Variants in PREP observed in about 807,000 individuals in gnomAD.
PREP encodes the protein dJ355L5.1 (prolyl endopeptidase).
In PREP, 29 loss-of-function variants were observed where a neutral mutation model predicts 87.6. The observed-to-expected ratio is 0.33, with a 90% CI of 0.25 to 0.45. The LOEUF (loss-of-function observed/expected upper bound fraction) is 0.45, where lower values mean the gene tolerates loss of function less well. PREP is among the 20% of genes least tolerant of loss of function. The pLI, the probability that PREP is intolerant of heterozygous loss-of-function variation, is 1.00. For missense variants in PREP, 695 were observed against 886.5 expected (o/e 0.78, Z 2.74); for synonymous variants, 337 against 328.6 (o/e 1.03, Z -0.28).
intron 2 of PREP, 51 bp downstream of exon 2, chr6:105,397,801 GT>G: frequency 7.3e-7 from 1 of 1,361,876 alleles, no homozygotes; most frequent in Non-Finnish European, 1.1e-6. Flanking sequence ...GACATTTAGA[GT>G]TTGGTGCTAG....
intron 8 of PREP, among the ~76,000 whole-genome samples, chr6:105,329,511 G>A (rs1051908649): frequency 2.0e-5 from 3 of 152,124 alleles, no homozygotes; most frequent in Admixed American, 6.5e-5. Flanking sequence ...ATAAATGACT[G>A]TTTTATTTCC....
intron 6 of PREP, among the ~76,000 whole-genome samples, chr6:105,354,207 A>T (rs1772032498): frequency 6.6e-6 from 1 of 152,168 alleles, no homozygotes; most frequent in African/African-American, 2.4e-5. Context: ...ACCCATAAAC[A>T]TCTATATTAT....
At chr6:105,344,808 C>T (rs916949324) in intron 7 of PREP, among the ~76,000 whole-genome samples, 6 of 152,076 alleles carry the variant, frequency 3.9e-5, no homozygotes, top group Non-Finnish European at 7.4e-5. Flanking sequence ...TGCACATGTA[C>T]CCTAAAACTG....
At chr6:105,358,127 C>G (rs1772151043) in intron 6 of PREP, among the ~76,000 whole-genome samples, 1 of 151,914 alleles carries the variant, frequency 6.6e-6, no homozygotes, top group African/African-American at 2.4e-5. Flanking sequence ...TTATTTTAAA[C>G]AAATTTTCCT....
chr6:105,338,598 A>T (rs1411430232), intron 7 of PREP, among the ~76,000 whole-genome samples: 1 of 152,204 alleles, frequency 6.6e-6, no homozygotes, highest in Non-Finnish European at 1.5e-5. Flanking sequence ...GCATCACCTC[A>T]ACCAGGAAAT....
At chr6:105,399,563 G>A (rs1773370684) in intron 1 of PREP, among the ~76,000 whole-genome samples, 1 of 152,048 alleles carries the variant, frequency 6.6e-6, no homozygotes, top group Non-Finnish European at 1.5e-5. Flanking sequence ...TCTCCAGATG[G>A]GTCTTCATAA....
At position 105,278,545 on chromosome 6, in the gene PREP, T is replaced by A; in HGVS notation, c.1839-107A>T. On this transcript the variant is annotated intron_variant, in intron 14 of 14. Coordinates refer to ENST00000652536, the MANE Select transcript of PREP (RefSeq NM_002726.5). The surrounding 1 kb of genome is among the most constrained non-coding windows in gnomAD (Gnocchi z 4.2). Reference sequence around the variant, plus strand: ...GTGAGGACTGCAGTTAACTAGTACGTGAGTGACCACCATGGACTGTGCCTA... The same window carrying A: ...GTGAGGACTGCAGTTAACTAGTACGAGAGTGACCACCATGGACTGTGCCTA... 8.6e-7 allele frequency: 1 copy of A among 1,167,148 alleles called. No individual in the cohort carries two copies. Among genetic ancestry groups the A allele is most frequent in the Non-Finnish European group, 1.2e-6 (1 of 824,300 alleles). 72.3% of individuals were successfully genotyped at this position (1,167,148 alleles called of 1,614,324 possible). A position where few individuals can be genotyped will look rare whatever the true frequency, so the allele number is the denominator to read the frequency against.
At chr6:105,381,486 C>T (rs1449690716) in intron 2 of PREP, among the ~76,000 whole-genome samples, 1 of 152,114 alleles carries the variant, frequency 6.6e-6, no homozygotes, top group Non-Finnish European at 1.5e-5. Context: ...GGAAGTGTTA[C>T]ATGGTGATAA....
intron 10 of PREP, among the ~76,000 whole-genome samples, chr6:105,311,878 C>G (rs534417641): frequency 2.0e-5 from 3 of 152,238 alleles, no homozygotes; most frequent in Admixed American, 6.5e-5. Context: ...TTTAGGAATC[C>G]CAGAACACTC....
intron 12 of PREP, among the ~76,000 whole-genome samples, chr6:105,283,772 A>G (rs748959181): frequency 8.5e-5 from 13 of 152,250 alleles, no homozygotes; most frequent in Non-Finnish European, 1.5e-4. Context: ...CAGTCTAAAC[A>G]TAGTCTACTG....
intron 6 of PREP, among the ~76,000 whole-genome samples, chr6:105,363,962 T>C (rs969075153): frequency 6.6e-6 from 1 of 152,108 alleles, no homozygotes; most frequent in Admixed American, 6.5e-5. Context: ...TAAGGAGAGC[T>C]GGAACCTGGA....
At chr6:105,330,466 C>T (rs903873499) in intron 8 of PREP, among the ~76,000 whole-genome samples, 1 of 152,138 alleles carries the variant, frequency 6.6e-6, no homozygotes, top group African/African-American at 2.4e-5. Flanking sequence ...CTGCAACTTT[C>T]AGTGACAGCG....
intron 10 of PREP, among the ~76,000 whole-genome samples, chr6:105,312,253 C>A (rs1470797794): frequency 6.6e-6 from 1 of 152,122 alleles, no homozygotes; most frequent in Non-Finnish European, 1.5e-5. Flanking sequence ...ATGTTTATGG[C>A]TACTTCTATA....
rs1313263858 is a variant in PREP, at chr6:105,391,093, G to A, written c.120+6760C>T. 5.3e-5 allele frequency among the ~76,000 whole-genome samples: 8 copies of A among 149,944 alleles called. No individual in the cohort carries two copies. The East Asian group carries it at 9.8e-4, about 18-fold the overall frequency. On this transcript the variant is annotated intron_variant, in intron 2 of 14. Coordinates refer to ENST00000652536, the MANE Select transcript of PREP (RefSeq NM_002726.5). ...TTTTTTTAATTAAGAGACAAAGGCC[G>A]GGTGCGGTGGCTCACACCTGTAATC...
intron 2 of PREP, among the ~76,000 whole-genome samples, chr6:105,388,104 C>A (rs1198113361): frequency 6.6e-6 from 1 of 152,176 alleles, no homozygotes; most frequent in African/African-American, 2.4e-5. Context: ...AGCGCCCTCC[C>A]TTCTAAGTGG....
chr6:105,389,586 T>C (rs1295360580), intron 2 of PREP, among the ~76,000 whole-genome samples: 1 of 152,214 alleles, frequency 6.6e-6, no homozygotes, highest in Admixed American at 6.5e-5. Context: ...CAGTAAGCTT[T>C]AACTGCTGGC....
chr6:105,366,494 C>T (rs992665678), intron 6 of PREP, among the ~76,000 whole-genome samples: 8 of 152,148 alleles, frequency 5.3e-5, no homozygotes, highest in East Asian at 1.9e-4. Flanking sequence ...GGATGAGATA[C>T]GCAGAGTGTA....
chr6:105,395,998 G>A (rs1467472103), intron 2 of PREP, among the ~76,000 whole-genome samples: 3 of 152,198 alleles, frequency 2.0e-5, no homozygotes, highest in African/African-American at 7.2e-5. Context: ...ATCTATGGCA[G>A]GGATGAAGTG....
chr6:105,323,787 CT>C lies in PREP; in HGVS notation c.1214-20del. 1 of 1,590,114 alleles carries C rather than the reference CT, an allele frequency of 6.3e-7. No homozygotes were observed. Among genetic ancestry groups the C allele is most frequent in the Non-Finnish European group, 8.6e-7 (1 of 1,158,634 alleles). On this transcript the variant is annotated intron_variant, in intron 9 of 14. Transcript: ENST00000652536. The stretch of plus-strand genomic sequence containing the variant: ...ATGATACCTAAAAAGTAGAATAAGG[CT>C]TGGTTTAGTCTACGGGACTCACTAG...
Sources: gnomAD v4.1 joint callset for allele counts (sites outside exome capture counted in the v4.1 genomes callset) on GRCh38, gnomAD v4.1.1 for gene constraint, Gnocchi (gnomAD v3.1) non-coding constraint, MANE v1.5 for transcripts, NCBI Gene and HGNC (gene_info 2026-07-23, HGNC 2026-07-21) for gene names.